TAF4: variants seen among roughly 807,000 people sequenced by gnomAD.
The protein encoded by TAF4 is transcription initiation factor TFIID subunit 4.
A neutral mutation model predicts 90.3 loss-of-function variants in TAF4; 9 were observed. The observed-to-expected ratio is 0.10, with a 90% confidence interval of 0.06 to 0.17. The LOEUF (loss-of-function observed/expected upper bound fraction) is 0.17. TAF4 is among the 10% of genes least tolerant of loss of function. TAF4 has a pLI of 1.00. For missense variants in TAF4, 1,351 were observed against 1,370.7 expected (o/e 0.99, Z 0.23); for synonymous variants, 818 against 638.9 (o/e 1.28, Z -4.23).
Position 62,003,895 on chromosome 20 carries a change from A to G in TAF4, c.2224-17T>C. ...CTGGATGACCTGAGGCAGAGCCAGC[A>G]GAGAATGGTGAGCATGCTCCCCGAG... is the stretch of plus-strand genomic sequence containing the variant. On this transcript the variant is annotated splice_polypyrimidine_tract_variant and intron_variant, in intron 7 of 14. Transcript: ENST00000252996. 1 of 1,538,120 alleles carries G rather than the reference A, an allele frequency of 6.5e-7. No homozygotes were observed. Among genetic ancestry groups the G allele is most frequent in the Non-Finnish European group, 8.7e-7 (1 of 1,146,472 alleles).
intron 1 of TAF4, among the ~76,000 whole-genome samples, chr20:62,051,533 G>C (rs758438712): frequency 6.6e-6 from 1 of 151,968 alleles, no homozygotes; most frequent in Non-Finnish European, 1.5e-5. Flanking sequence ...CCCATCCACC[G>C]TTCACTCCCA....
intron 1 of TAF4, among the ~76,000 whole-genome samples, chr20:62,040,913 C>T (rs894589351): frequency 6.6e-6 from 1 of 152,226 alleles, no homozygotes; most frequent in Non-Finnish European, 1.5e-5. Context: ...AAGCTTTATT[C>T]GTAATAGCCA....
chr20:62,062,667 C>T (rs964659371), intron 1 of TAF4, among the ~76,000 whole-genome samples: 1 of 152,176 alleles, frequency 6.6e-6, no homozygotes, highest in Non-Finnish European at 1.5e-5. Context: ...ACACACCCGA[C>T]CCTAAAACTG....
At chr20:61,977,244 C>A (rs1185045577) in intron 14 of TAF4, among the ~76,000 whole-genome samples, 4 of 131,380 alleles carry the variant, frequency 3.0e-5, no homozygotes, top group African/African-American at 8.5e-5. Flanking sequence ...GGGCGCGCAC[C>A]ACACACACAC....
At chr20:62,064,403 G>A (rs748301135) in intron 1 of TAF4, 48 bp downstream of exon 1, 2 of 1,276,998 alleles carry the variant, frequency 1.6e-6, no homozygotes, top group African/African-American at 1.5e-5. Context: ...ACTGGCAGCT[G>A]GCGCTGCTGG....
In TAF4 at chr20:61,999,300, G is replaced by A. The variant is rs534572513; in HGVS notation, c.2788-192C>T. Among the ~76,000 whole-genome samples the A allele has an allele frequency of 2.6e-5, 4 of 152,210 alleles. No individual in the cohort carries two copies. The South Asian group carries it at 8.3e-4, about 32-fold the overall frequency. ...CTATCGATGCTCACGTCCACAGAACGAAGTCTCGTGTTGGCTGTCTCAGGG... is the reference window on the plus strand; with the variant it reads ...CTATCGATGCTCACGTCCACAGAACAAAGTCTCGTGTTGGCTGTCTCAGGG... On this transcript the variant is annotated intron_variant, in intron 11 of 14. Transcript: ENST00000252996.
At chr20:62,035,823 A>G (rs529636960) in intron 1 of TAF4, among the ~76,000 whole-genome samples, 7 of 152,202 alleles carry the variant, frequency 4.6e-5, no homozygotes, top group Non-Finnish European at 7.3e-5. Flanking sequence ...ACAAAGGAAC[A>G]GTAACCAGAA....
chr20:62,041,419 T>G (rs1043551104), intron 1 of TAF4, among the ~76,000 whole-genome samples: 4 of 152,022 alleles, frequency 2.6e-5, no homozygotes, highest in African/African-American at 9.7e-5. Flanking sequence ...ATGACGCTGG[T>G]CCCATCAAGA....
Position 61,991,373 on chromosome 20 carries a change from G to A in TAF4, c.3090+6177C>T, listed in dbSNP as rs746688048. Among the ~76,000 whole-genome samples the A allele has an allele frequency of 1.8e-4, 27 of 151,940 alleles. 1 individual carries two copies. Among genetic ancestry groups the A allele is most frequent in the East Asian group, 3.9e-4 (2 of 5,178 alleles). On this transcript the variant is annotated intron_variant, in intron 14 of 14. Coordinates refer to ENST00000252996, the MANE Select transcript of TAF4 (RefSeq NM_003185.4). ...GGTTGCCATGAGCTGAGATCACACCGAGATAGAGCCACTGCACTCCAGCCT... is the reference window on the plus strand; with the variant it reads ...GGTTGCCATGAGCTGAGATCACACCAAGATAGAGCCACTGCACTCCAGCCT...
At chr20:62,014,827 A>C in intron 1 of TAF4, 120 bp from the exon 2 acceptor site, 1 of 1,351,252 alleles carries the variant, frequency 7.4e-7, no homozygotes, top group African/African-American at 1.5e-5. Context: ...TCAAGTCTTA[A>C]ACACACGAAT....
At chr20:61,990,785 T>C (rs2055626659) in intron 14 of TAF4, among the ~76,000 whole-genome samples, 1 of 151,696 alleles carries the variant, frequency 6.6e-6, no homozygotes, top group African/African-American at 2.4e-5. Flanking sequence ...GCTTGGGAGG[T>C]GCACAGAGCC....
chr20:61,979,753 G>A (rs1158338318), intron 14 of TAF4, among the ~76,000 whole-genome samples: 3 of 149,052 alleles, frequency 2.0e-5, no homozygotes, highest in South Asian at 2.1e-4. Context: ...GAGGTACTGC[G>A]GCATGTGCAG....
chr20:61,992,175 T>C (rs1433499793), intron 14 of TAF4, among the ~76,000 whole-genome samples: 9 of 152,118 alleles, frequency 5.9e-5, no homozygotes, highest in Admixed American at 5.2e-4. Context: ...GCATTAAACA[T>C]GTCATTATTT....
At chr20:62,046,500 G>T (rs1343418353) in intron 1 of TAF4, among the ~76,000 whole-genome samples, 2 of 152,212 alleles carry the variant, frequency 1.3e-5, no homozygotes. Flanking sequence ...GAATTTTGTA[G>T]ATTCACTGTA....
intron 1 of TAF4, among the ~76,000 whole-genome samples, chr20:62,062,081 C>T (rs1304424438): frequency 6.6e-6 from 1 of 152,246 alleles, no homozygotes; most frequent in African/African-American, 2.4e-5. Context: ...CCACTTGACA[C>T]CCACATGCAG....
At chr20:62,047,878 T>C (rs2145509464) in intron 1 of TAF4, among the ~76,000 whole-genome samples, 1 of 152,320 alleles carries the variant, frequency 6.6e-6, no homozygotes, top group South Asian at 2.1e-4. Context: ...TCTATTTTTA[T>C]AAACACCAGC....
intron 14 of TAF4, among the ~76,000 whole-genome samples, chr20:61,982,048 G>T (rs373708761): frequency 1.6e-5 from 2 of 128,648 alleles, no homozygotes; most frequent in African/African-American, 2.8e-5. Context: ...CCCCACCCAA[G>T]AGGAGACACC....
chr20:61,994,138 C>T (rs1488494735), intron 14 of TAF4, among the ~76,000 whole-genome samples: 1 of 152,050 alleles, frequency 6.6e-6, no homozygotes, highest in Non-Finnish European at 1.5e-5. Context: ...ATATCTTTCA[C>T]CTCCCCCACA....
intron 1 of TAF4, among the ~76,000 whole-genome samples, chr20:62,048,508 T>C (rs887334548): frequency 6.6e-6 from 1 of 152,010 alleles, no homozygotes; most frequent in African/African-American, 2.4e-5. Flanking sequence ...ACAGAGGTGC[T>C]CCCACTCTCA....
Sources: gnomAD v4.1 joint callset for allele counts (sites outside exome capture counted in the v4.1 genomes callset) on GRCh38, gnomAD v4.1.1 for gene constraint, MANE v1.5 for transcripts, NCBI Gene and HGNC (gene_info 2026-07-23, HGNC 2026-07-21) for gene names.